ADGRV1: variants seen among roughly 807,000 people sequenced by gnomAD.
ADGRV1 encodes G-protein coupled receptor 98.
Under a neutral mutation model 596.2 loss-of-function variants are expected in ADGRV1, and 359 were observed. That is an observed-to-expected ratio of 0.60 (90% CI 0.55 to 0.66). The LOEUF is 0.66. ADGRV1 is among the 30% of genes least tolerant of loss of function. The probability of loss-of-function intolerance (pLI) is 0.00; values close to 1 mark genes in which losing one functional copy is unlikely to be tolerated. For synonymous variants in ADGRV1, 2,681 were observed against 2,679.2 expected (o/e 1.00, Z -0.02); for missense variants, 7,274 against 7,575.6 (o/e 0.96, Z 1.48).
chr5:91,163,799 A>G lies in ADGRV1; in HGVS notation c.18820A>G (p.Ser6274Gly). ...TGTGGCAGGTGCTGGTCTCAGTGTC[A>G]GTGATAATGAATCTGGTCAAGGCAG... ...ALKTGAGLSV[S>G]DNESGQGSQE... Residue 6274 changes from serine to glycine, a missense_variant, in exon 90 of 90, where the codon AGT becomes GGT. By Grantham distance (56) the Ser-to-Gly change is moderately conservative. This residue lies in a region of ADGRV1 where 1,874 missense variants were observed against 1,970.2 expected (regional missense o/e 0.95). Transcript: ENST00000405460. 1 of 1,556,656 alleles carries G rather than the reference A, an allele frequency of 6.4e-7. No homozygotes were observed. Among genetic ancestry groups the G allele is most frequent in the East Asian group, 2.3e-5 (1 of 44,044 alleles).
intron 57 of ADGRV1, among the ~76,000 whole-genome samples, chr5:90,758,295 T>A: frequency 6.6e-6 from 1 of 152,030 alleles, no homozygotes; most frequent in East Asian, 1.9e-4. Flanking sequence ...ATTGCACCAC[T>A]GCACTCCAGC....
intron 53 of ADGRV1, among the ~76,000 whole-genome samples, chr5:90,752,269 G>T (rs1180707795): frequency 6.6e-6 from 1 of 152,130 alleles, no homozygotes; most frequent in Non-Finnish European, 1.5e-5. Context: ...TCTGACCTCT[G>T]ATTTTATTAA....
chr5:90,886,332 C>G (rs904051500), intron 83 of ADGRV1, among the ~76,000 whole-genome samples: 8 of 152,130 alleles, frequency 5.3e-5, no homozygotes, highest in Admixed American at 3.3e-4. Flanking sequence ...CTACCAACTG[C>G]TAGAGGTTGT....
Position 90,859,586 on chromosome 5 carries a change from G to A in ADGRV1, c.17755+3685G>A, listed in dbSNP as rs951629151. On this transcript the variant is annotated intron_variant, in intron 82 of 89. Coordinates refer to ENST00000405460, the MANE Select transcript of ADGRV1 (RefSeq NM_032119.4). The stretch of plus-strand genomic sequence containing the variant: ...TAGCTGGGATTACAGGCACCGTGCC[G>A]GGATAATTTAAAAAATTATTTTAAA... Among the ~76,000 whole-genome samples, 5 of 151,796 alleles carry A rather than the reference G, an allele frequency of 3.3e-5. No individual in the cohort carries two copies. In the East Asian group the frequency reaches 5.8e-4, roughly 18 times the overall value.
chr5:91,143,889 G>A (rs1795314925), intron 87 of ADGRV1, among the ~76,000 whole-genome samples: 1 of 152,194 alleles, frequency 6.6e-6, no homozygotes, highest in Admixed American at 6.5e-5. Context: ...TCCCTCCCAT[G>A]TTCATTGGCA....
intron 83 of ADGRV1, among the ~76,000 whole-genome samples, chr5:90,930,496 T>C (rs1775137840): frequency 6.6e-6 from 1 of 152,242 alleles, no homozygotes; most frequent in Non-Finnish European, 1.5e-5. Flanking sequence ...CTTTTATAAC[T>C]TGGTATTCAA....
chr5:91,074,085 C>A (rs1429369047), intron 86 of ADGRV1, among the ~76,000 whole-genome samples: 1 of 152,322 alleles, frequency 6.6e-6, no homozygotes, highest in South Asian at 2.1e-4. Context: ...TCACGGGACA[C>A]AGAAGTTATC....
intron 89 of ADGRV1, among the ~76,000 whole-genome samples, 170 bp from the exon 90 acceptor site, chr5:91,163,612 A>G (rs1657183367): frequency 6.6e-6 from 1 of 152,224 alleles, no homozygotes; most frequent in South Asian, 2.1e-4. Flanking sequence ...AAGGAAATGT[A>G]AAAGATAGTT....
intron 1 of ADGRV1, among the ~76,000 whole-genome samples, chr5:90,576,442 C>G (rs1052337291): frequency 3.3e-5 from 5 of 152,160 alleles, no homozygotes; most frequent in African/African-American, 1.2e-4. Context: ...AGGACATGAA[C>G]TCATCCTTTT....
chr5:90,862,258 C>G (rs1387361357), intron 82 of ADGRV1, among the ~76,000 whole-genome samples: 1 of 152,092 alleles, frequency 6.6e-6, no homozygotes, highest in Non-Finnish European at 1.5e-5. Context: ...CATTGTCATC[C>G]TCTACCACAG....
chr5:91,059,215 A>G (rs564811987), intron 85 of ADGRV1, among the ~76,000 whole-genome samples: 2 of 152,234 alleles, frequency 1.3e-5, no homozygotes, highest in African/African-American at 2.4e-5. Flanking sequence ...GCACTCTTGT[A>G]AGGTAGATGC....
intron 81 of ADGRV1, 103 bp downstream of exon 81, chr5:90,854,304 C>T (rs779837608): frequency 1.9e-4 from 142 of 749,046 alleles, no homozygotes; most frequent in Admixed American, 3.1e-4. Context: ...CCCCAGATGA[C>T]ATTAGACTGG....
At position 90,619,046 on chromosome 5, in the gene ADGRV1, ATT is replaced by A. The variant is rs773481083; in HGVS notation, c.358-36_358-35del. On this transcript the variant is annotated intron_variant, in intron 3 of 89. Coordinates refer to ENST00000405460, the MANE Select transcript of ADGRV1 (RefSeq NM_032119.4). ...AAATAAATTTTTAACTTATTATTTT[ATT>A]TTTAATTCATTATTTTATTTTTGGG... 1.1e-5 allele frequency: 11 copies of A among 957,154 alleles called. No individual in the cohort carries two copies. The East Asian group carries it at 3.1e-4, about 27-fold the overall frequency. The allele number at this position is 957,154 out of a possible 1,614,324, so 59.3% of individuals were successfully genotyped here. A position where few individuals can be genotyped will look rare whatever the true frequency, so the allele number is the denominator to read the frequency against.
In ADGRV1 at chr5:90,759,583, A is replaced by C. The variant is rs1300723772; in HGVS notation, c.12115A>C (p.Lys4039Gln). 1 of 1,612,314 alleles carries C rather than the reference A, an allele frequency of 6.2e-7. No individual in the cohort carries two copies. Among genetic ancestry groups the C allele is most frequent in the Admixed American group, 1.7e-5 (1 of 59,972 alleles). ...SPFGVFGFEE[K>Q]TVMIDESLSS... is the part of the protein sequence containing the mutation. ...ATTTGGAGTATTTGGATTTGAAGAAAAGACTGTAAGTTAAACATATCAGGG... is the reference window on the plus strand; with the variant it reads ...ATTTGGAGTATTTGGATTTGAAGAACAGACTGTAAGTTAAACATATCAGGG... Residue 4039 changes from lysine (K) to glutamine (Q), a missense_variant, in exon 58 of 90, where the codon AAG becomes CAG. Lys to Gln is a moderately conservative substitution (Grantham distance 53, BLOSUM62 1). Around this residue, in one of 5 missense-constraint regions of ADGRV1, gnomAD observed 3,643 missense variants for 3,809.2 expected, o/e 0.96. Transcript: ENST00000405460.
At chr5:90,825,582 G>A (rs533192543) in intron 76 of ADGRV1, among the ~76,000 whole-genome samples, 18 of 152,068 alleles carry the variant, frequency 1.2e-4, no homozygotes, top group Non-Finnish European at 2.9e-5. Context: ...CATCTGTCTC[G>A]TACAGTAGAT....
intron 86 of ADGRV1, among the ~76,000 whole-genome samples, chr5:91,083,168 A>T (rs1038551403): frequency 1.3e-5 from 2 of 151,084 alleles, no homozygotes; most frequent in African/African-American, 4.9e-5. Context: ...GCATGTTCTC[A>T]CTCATAGATG....
rs1797180294 is a variant in ADGRV1 at position 91,164,147 on chromosome 5, G to T, written c.*247G>T. The T allele has an allele frequency of 3.6e-6, 2 of 549,604 alleles. No individual in the cohort carries two copies. The highest frequency in any genetic ancestry group is 5.0e-4 in the Middle Eastern group (1 of 1,998). 34.0% of individuals were successfully genotyped at this position (549,604 alleles called of 1,614,324 possible). ...TGTTCATATTCCAAGGATATTAGTTGTTTTTTTAATCATCCTATATGGCTA... is the reference window on the plus strand; with the variant it reads ...TGTTCATATTCCAAGGATATTAGTTTTTTTTTTAATCATCCTATATGGCTA... On this transcript the variant is annotated 3_prime_UTR_variant, in exon 90 of 90. Coordinates refer to ENST00000405460, the MANE Select transcript of ADGRV1 (RefSeq NM_032119.4).
chr5:90,897,727 A>G (rs1285237530), intron 83 of ADGRV1, among the ~76,000 whole-genome samples: 1 of 152,178 alleles, frequency 6.6e-6, no homozygotes, highest in Non-Finnish European at 1.5e-5. Flanking sequence ...CGTTTTGCCT[A>G]GGAGGCCTTC....
At chr5:91,059,211 T>C (rs1354273921) in intron 85 of ADGRV1, among the ~76,000 whole-genome samples, 1 of 152,194 alleles carries the variant, frequency 6.6e-6, no homozygotes, top group Non-Finnish European at 1.5e-5. Flanking sequence ...CACTGCACTC[T>C]TGTAAGGTAG....
Sources: allele counts gnomAD v4.1 joint callset (sites outside exome capture counted in the v4.1 genomes callset), GRCh38; gene constraint gnomAD v4.1.1; regional missense constraint gnomAD v4.1.1; transcripts MANE v1.5; gene names NCBI Gene and HGNC (gene_info 2026-07-23, HGNC 2026-07-21).